Variants in PKIB observed in about 807,000 individuals in gnomAD.
PKIB encodes PKI-beta.
Under a neutral mutation model 4.5 loss-of-function variants are expected in PKIB, and 2 were observed. The ratio of observed to expected loss-of-function variants is 0.44; its 90% CI spans 0.18 to 1.39. PKIB has a LOEUF of 1.39. PKIB is among the 40% of genes most tolerant of loss of function. PKIB has a pLI of 0.27. For synonymous variants in PKIB, 38 were observed against 36.0 expected (o/e 1.06, Z -0.20); for missense variants, 94 against 92.6 (o/e 1.02, Z -0.06).
At chr6:122,693,979 A>T (rs1778453897) in intron 3 of PKIB, among the ~76,000 whole-genome samples, 1 of 152,218 alleles carries the variant, frequency 6.6e-6, no homozygotes, top group African/African-American at 2.4e-5. Context: ...ATTTACTACA[A>T]GGCAATTTTA....
chr6:122,500,644 G>A (rs1409275634), intron 2 of PKIB, among the ~76,000 whole-genome samples: 9 of 152,170 alleles, frequency 5.9e-5, no homozygotes, highest in Admixed American at 2.6e-4. Context: ...TAGAAAACAA[G>A]TAGGCATTGC....
At chr6:122,516,835 G>T (rs372904679) in intron 2 of PKIB, among the ~76,000 whole-genome samples, 1 of 152,166 alleles carries the variant, frequency 6.6e-6, no homozygotes, top group African/African-American at 2.4e-5. Flanking sequence ...AAAAGTGAGA[G>T]ATTTTGGTTA....
chr6:122,491,109 A>G (rs1775923235), intron 2 of PKIB, among the ~76,000 whole-genome samples: 2 of 152,200 alleles, frequency 1.3e-5, no homozygotes, highest in African/African-American at 4.8e-5. Flanking sequence ...CACTAGGAAG[A>G]GGCCCAAGCA....
At chr6:122,690,052 G>T (rs536742579) in intron 3 of PKIB, among the ~76,000 whole-genome samples, 39 of 147,696 alleles carry the variant, frequency 2.6e-4, no homozygotes, top group African/African-American at 6.9e-4. Context: ...CATTTTTTTT[G>T]ATATAAGTAT....
chr6:122,507,214 G>C (rs1776438409), intron 2 of PKIB, among the ~76,000 whole-genome samples: 1 of 151,980 alleles, frequency 6.6e-6, no homozygotes, highest in Non-Finnish European at 1.5e-5. Context: ...ACTGATAGTT[G>C]GCCCTATGTA....
upstream of PKIB, among the ~76,000 whole-genome samples, chr6:122,606,741 CCCTAAAAAAA>C (rs1266372734): frequency 6.6e-6 from 1 of 151,760 alleles, no homozygotes; most frequent in African/African-American, 2.4e-5. Context: ...TTAATGGCAA[CCCTAAAAAAA>C]CTAACCCACC....
intron 3 of PKIB, among the ~76,000 whole-genome samples, chr6:122,602,502 A>G (rs1317897011): frequency 6.6e-6 from 1 of 152,172 alleles, no homozygotes; most frequent in Non-Finnish European, 1.5e-5. Context: ...TTTTGTTGTT[A>G]TTTACTTTGG....
chr6:122,614,137 T>C (rs1774884196), intron 1 of PKIB, among the ~76,000 whole-genome samples: 1 of 152,100 alleles, frequency 6.6e-6, no homozygotes, highest in Non-Finnish European at 1.5e-5. Context: ...AAATGTGACA[T>C]TGCCCAAGAG....
At chr6:122,477,321 T>C (rs1283633265) in intron 1 of PKIB, among the ~76,000 whole-genome samples, 1 of 152,238 alleles carries the variant, frequency 6.6e-6, no homozygotes, top group Non-Finnish European at 1.5e-5. Flanking sequence ...ATCATATTTT[T>C]CTTTGTATAA....
chr6:122,536,895 TTCTG>T (rs1235145456), intron 2 of PKIB, among the ~76,000 whole-genome samples: 3 of 150,506 alleles, frequency 2.0e-5, no homozygotes, highest in South Asian at 2.1e-4. Flanking sequence ...CCAATATCCT[TTCTG>T]TCTTTTTTTT....
chr6:122,485,803 G>A (rs1024062243), intron 2 of PKIB, among the ~76,000 whole-genome samples: 1 of 152,180 alleles, frequency 6.6e-6, no homozygotes, highest in Non-Finnish European at 1.5e-5. Context: ...TCATGAATTA[G>A]CAGTGACTGT....
intron 2 of PKIB, among the ~76,000 whole-genome samples, chr6:122,565,154 A>AT (rs1292059840): frequency 6.6e-6 from 1 of 152,094 alleles, no homozygotes; most frequent in Non-Finnish European, 1.5e-5. Flanking sequence ...AGGACAGGGA[A>AT]TTTTTTTACT....
chr6:122,676,530 G>A (rs1392163133), intron 3 of PKIB, among the ~76,000 whole-genome samples: 1 of 152,036 alleles, frequency 6.6e-6, no homozygotes, highest in Non-Finnish European at 1.5e-5. Context: ...GCATAATTCT[G>A]GGGTTCTCAA....
chr6:122,691,052 C>G (rs535740284), intron 3 of PKIB, among the ~76,000 whole-genome samples: 32 of 151,740 alleles, frequency 2.1e-4, no homozygotes, highest in African/African-American at 7.5e-4. Context: ...ACCCTGCTGC[C>G]AGACATATTG....
intron 2 of PKIB, chr6:122,493,124 C>T (rs1308213395): frequency 6.6e-6 from 1 of 152,182 alleles, no homozygotes; most frequent in East Asian, 1.9e-4. Flanking sequence ...AAAAAGAAAT[C>T]CCTTTGAACT....
intron 3 of PKIB, among the ~76,000 whole-genome samples, chr6:122,695,809 C>T (rs956231099): frequency 5.3e-5 from 8 of 152,076 alleles, no homozygotes; most frequent in African/African-American, 1.9e-4. Context: ...ATCTAAAAGA[C>T]TCTATTTCAG....
At chr6:122,563,944 C>G (rs537368366) in intron 2 of PKIB, among the ~76,000 whole-genome samples, 1 of 152,208 alleles carries the variant, frequency 6.6e-6, no homozygotes, top group African/African-American at 2.4e-5. Context: ...CAGATTTGCA[C>G]ACCTTCCCCC....
chr6:122,545,799 G>A (rs931531396), intron 2 of PKIB, among the ~76,000 whole-genome samples: 3 of 150,682 alleles, frequency 2.0e-5, no homozygotes, highest in African/African-American at 7.3e-5. Flanking sequence ...ATAAAAGTTG[G>A]AAAGAAAATA....
intron 1 of PKIB, among the ~76,000 whole-genome samples, chr6:122,473,103 T>A (rs1775352423): frequency 6.6e-6 from 1 of 152,006 alleles, no homozygotes. Context: ...AGAGCGAGAC[T>A]CCGTCTCAAA....
Sources: gnomAD v4.1 joint callset for allele counts (sites outside exome capture counted in the v4.1 genomes callset) on GRCh38, gnomAD v4.1.1 for gene constraint, MANE v1.5 for transcripts, NCBI Gene and HGNC (gene_info 2026-07-23, HGNC 2026-07-21) for gene names.